The following AFF3 variants were observed in gnomAD, a reference collection of about 807,000 sequenced individuals.
AFF3 encodes ALF transcription elongation factor 3, also known as AF4/FMR2 family member 3.
In AFF3, 32 loss-of-function variants were observed where a neutral mutation model predicts 129.7. That is an observed-to-expected ratio of 0.25 (90% CI 0.19 to 0.33). The LOEUF (loss-of-function observed/expected upper bound fraction) is 0.33, where lower values mean the gene tolerates loss of function less well. Ranked by LOEUF, AFF3 falls within the 10% of genes least tolerant of loss-of-function variation. The probability of loss-of-function intolerance (pLI) is 1.00; values close to 1 mark genes in which losing one functional copy is unlikely to be tolerated. For missense variants in AFF3, 1,373 were observed against 1,592.0 expected (o/e 0.86, Z 2.34); for synonymous variants, 644 against 635.4 (o/e 1.01, Z -0.20).
At chr2:99,877,048 G>A (rs1692353826) in intron 7 of AFF3, among the ~76,000 whole-genome samples, 1 of 152,178 alleles carries the variant, frequency 6.6e-6, no homozygotes, top group South Asian at 2.1e-4. Context: ...TAACGCTGAG[G>A]GAGAGAGGAA....
At chr2:99,950,553 A>C (rs1259021446) in intron 7 of AFF3, among the ~76,000 whole-genome samples, 1 of 152,208 alleles carries the variant, frequency 6.6e-6, no homozygotes, top group African/African-American at 2.4e-5. Context: ...AATAATGAAG[A>C]TCATATGACT....
At chr2:99,849,374 A>C (rs1473498882) in intron 7 of AFF3, among the ~76,000 whole-genome samples, 1 of 152,176 alleles carries the variant, frequency 6.6e-6, no homozygotes, top group Non-Finnish European at 1.5e-5. Context: ...CAAATTGCAG[A>C]CTAATTTGTT....
intron 8 of AFF3, among the ~76,000 whole-genome samples, chr2:99,767,435 T>TC (rs1264721558): frequency 2.0e-5 from 3 of 152,200 alleles, no homozygotes; most frequent in African/African-American, 7.2e-5. Context: ...GATTTTGGTT[T>TC]TAATAAACTT....
intron 8 of AFF3, among the ~76,000 whole-genome samples, chr2:99,772,121 T>C (rs1683537545): frequency 6.6e-6 from 1 of 151,046 alleles, no homozygotes; most frequent in Non-Finnish European, 1.5e-5. Context: ...TGGGACAAAA[T>C]AGGAAAGGAG....
intron 8 of AFF3, among the ~76,000 whole-genome samples, chr2:99,806,781 G>C (rs988169777): frequency 1.3e-5 from 2 of 152,174 alleles, no homozygotes; most frequent in Non-Finnish European, 2.9e-5. Context: ...GCCCAGCACA[G>C]TGTATGGCAA....
intron 11 of AFF3, among the ~76,000 whole-genome samples, chr2:99,701,988 T>C (rs1238558442): frequency 6.6e-6 from 1 of 152,258 alleles, no homozygotes; most frequent in African/African-American, 2.4e-5. Context: ...TTGTATGTAT[T>C]AACCGTTCAT....
chr2:99,767,695 C>T (rs968550952), intron 8 of AFF3, among the ~76,000 whole-genome samples: 15 of 152,208 alleles, frequency 9.9e-5, no homozygotes, highest in Admixed American at 5.2e-4. Context: ...CGGTGGCTCA[C>T]GCCTGTCATC....
intron 11 of AFF3, among the ~76,000 whole-genome samples, chr2:99,702,210 T>C (rs1305443245): frequency 6.6e-6 from 1 of 152,206 alleles, no homozygotes; most frequent in Non-Finnish European, 1.5e-5. Context: ...GTCTATACCA[T>C]TTTACATTTT....
chr2:100,048,219 C>T (rs1026443162), intron 4 of AFF3, among the ~76,000 whole-genome samples: 6 of 152,156 alleles, frequency 3.9e-5, no homozygotes, highest in Non-Finnish European at 8.8e-5. Context: ...AGACATTTAC[C>T]ATTGTACTGC....
intron 7 of AFF3, among the ~76,000 whole-genome samples, chr2:99,923,784 C>T (rs1361201716): frequency 1.3e-5 from 2 of 152,040 alleles, no homozygotes; most frequent in Non-Finnish European, 2.9e-5. Context: ...CATGTTATGG[C>T]CTACCGCAAT....
At chr2:99,654,128 C>T (rs562653823) in intron 12 of AFF3, among the ~76,000 whole-genome samples, 10 of 152,320 alleles carry the variant, frequency 6.6e-5, no homozygotes, top group East Asian at 3.9e-4. Flanking sequence ...GATCTGCCTG[C>T]GTCAGCCTCC....
intron 11 of AFF3, among the ~76,000 whole-genome samples, chr2:99,704,326 C>T (rs1034784317): frequency 2.6e-5 from 4 of 151,966 alleles, no homozygotes; most frequent in Non-Finnish European, 1.5e-5. Flanking sequence ...AACAAGTTCT[C>T]TTAGTTTTCC....
At chr2:100,066,456 A>G (rs1160395861) in intron 4 of AFF3, among the ~76,000 whole-genome samples, 1 of 152,184 alleles carries the variant, frequency 6.6e-6, no homozygotes, top group African/African-American at 2.4e-5. Flanking sequence ...CTTGAATAAG[A>G]GCCAAAATGC....
chr2:99,743,356 G>A (rs765567601), intron 10 of AFF3, among the ~76,000 whole-genome samples: 5 of 152,206 alleles, frequency 3.3e-5, no homozygotes, highest in African/African-American at 4.8e-5. Context: ...ACAGCTCAGA[G>A]GATGTTCAGT....
At chr2:100,065,033 C>A (rs1400457133) in intron 4 of AFF3, among the ~76,000 whole-genome samples, 2 of 152,178 alleles carry the variant, frequency 1.3e-5, no homozygotes, top group Non-Finnish European at 2.9e-5. Flanking sequence ...ACAAGTTAAC[C>A]TTCTAACTCC....
chr2:99,685,163 A>G (rs1404308519), intron 11 of AFF3, among the ~76,000 whole-genome samples: 2 of 151,710 alleles, frequency 1.3e-5, no homozygotes, highest in Non-Finnish European at 2.9e-5. Context: ...CTGGTCTCAA[A>G]CTACTGACCT....
intron 13 of AFF3, among the ~76,000 whole-genome samples, chr2:99,622,349 C>T (rs1682105282): frequency 6.6e-6 from 1 of 152,126 alleles, no homozygotes; most frequent in Non-Finnish European, 1.5e-5. Context: ...TTACCACGAA[C>T]ACATTTTATT....
chr2:99,724,526 G>A (rs1252456690), intron 11 of AFF3, among the ~76,000 whole-genome samples: 1 of 151,924 alleles, frequency 6.6e-6, no homozygotes, highest in African/African-American at 2.4e-5. Context: ...ACCCACCTGG[G>A]CCTCCCAAAG....
intron 7 of AFF3, among the ~76,000 whole-genome samples, chr2:99,922,968 C>A (rs548484211): frequency 6.6e-6 from 1 of 152,184 alleles, no homozygotes; most frequent in Non-Finnish European, 1.5e-5. Context: ...ATACTACATT[C>A]ATGCTTATGC....
Sources: allele counts gnomAD v4.1 joint callset (sites outside exome capture counted in the v4.1 genomes callset), GRCh38; gene constraint gnomAD v4.1.1; transcripts MANE v1.5; gene names NCBI Gene and HGNC (gene_info 2026-07-23, HGNC 2026-07-21).